The following GRM8 variants were observed in gnomAD, a reference collection of about 807,000 sequenced individuals.
The protein encoded by GRM8 is glutamate metabotropic receptor 8.
A neutral mutation model predicts 87.2 loss-of-function variants in GRM8; 47 were observed. The ratio of observed to expected loss-of-function variants is 0.54; its 90% CI spans 0.43 to 0.69. The LOEUF (loss-of-function observed/expected upper bound fraction) is 0.69. Ranked by LOEUF, GRM8 falls within the 30% of genes least tolerant of loss-of-function variation. GRM8 has a pLI of 0.00. For missense variants in GRM8, 1,019 were observed against 1,139.2 expected (o/e 0.89, Z 1.52); for synonymous variants, 396 against 404.5 (o/e 0.98, Z 0.25).
intron 3 of GRM8, among the ~76,000 whole-genome samples, chr7:126,943,875 G>C (rs1204554): frequency 6.6e-6 from 1 of 152,118 alleles, no homozygotes; most frequent in Admixed American, 6.5e-5. Flanking sequence ...TTCACTTGTC[G>C]AAGGAAGGCA....
intron 8 of GRM8, among the ~76,000 whole-genome samples, chr7:126,545,956 C>A (rs1050060942): frequency 6.6e-6 from 1 of 152,104 alleles, no homozygotes; most frequent in African/African-American, 2.4e-5. Flanking sequence ...AAAACACTTA[C>A]CCATTTCAGT....
At chr7:126,652,956 T>G (rs1585382517) in intron 7 of GRM8, among the ~76,000 whole-genome samples, 1 of 152,014 alleles carries the variant, frequency 6.6e-6, no homozygotes, top group South Asian at 2.1e-4. Context: ...CATATGTAAC[T>G]CAGTGATTAG....
chr7:127,023,109 T>C (rs1010250067), intron 3 of GRM8, among the ~76,000 whole-genome samples: 2 of 152,094 alleles, frequency 1.3e-5, no homozygotes, highest in African/African-American at 4.8e-5. Flanking sequence ...GATACTTTTA[T>C]GTTTTCGGTA....
intron 3 of GRM8, among the ~76,000 whole-genome samples, chr7:126,990,737 T>TAC (rs1812579936): frequency 6.6e-6 from 1 of 152,236 alleles, no homozygotes; most frequent in South Asian, 2.1e-4. Flanking sequence ...GTGAAATTGC[T>TAC]ACAATAGCAT....
intron 3 of GRM8, among the ~76,000 whole-genome samples, chr7:126,990,829 C>T (rs1213054615): frequency 6.6e-6 from 1 of 152,134 alleles, no homozygotes; most frequent in African/African-American, 2.4e-5. Flanking sequence ...ACATTAAAAG[C>T]ACATTTTAAT....
intron 2 of GRM8, among the ~76,000 whole-genome samples, chr7:127,198,114 G>A (rs1795388907): frequency 1.3e-5 from 2 of 151,954 alleles, no homozygotes; most frequent in African/African-American, 2.4e-5. Flanking sequence ...ACAAATTTGG[G>A]GAATACATGT....
chr7:126,690,955 G>A (rs993732195), intron 7 of GRM8, among the ~76,000 whole-genome samples: 1 of 152,158 alleles, frequency 6.6e-6, no homozygotes, highest in African/African-American at 2.4e-5. Flanking sequence ...TGGTCCATGG[G>A]CAGCCATGGG....
intron 7 of GRM8, among the ~76,000 whole-genome samples, chr7:126,678,820 T>G (rs1356178820): frequency 6.6e-6 from 1 of 152,178 alleles, no homozygotes; most frequent in African/African-American, 2.4e-5. Context: ...GGGAGGTTGC[T>G]CCAATTAAGC....
rs73720725 is a variant in GRM8, at chr7:126,649,085, A to G, written c.1358-39587T>C. Among the ~76,000 whole-genome samples, 1,024 of 152,332 alleles carry G rather than the reference A, an allele frequency of 6.7e-3. 10 individuals carry two copies. Among genetic ancestry groups the G allele is most frequent in the Middle Eastern group, 0.031 (9 of 294 alleles). The stretch of plus-strand genomic sequence containing the variant: ...TATGTCTAAAAAATGTGGATCCCAA[A>G]TGTGAATTATCTATTATAAATGTGA... On this transcript the variant is annotated intron_variant, in intron 7 of 10. Transcript: ENST00000339582.
intron 2 of GRM8, among the ~76,000 whole-genome samples, chr7:127,167,545 G>A (rs1419426): frequency 0.22 from 32,725 of 151,444 alleles, 3,775 homozygotes; most frequent in Middle Eastern, 0.32. Context: ...TCTCTGTGTC[G>A]CATTTTGATC....
At chr7:127,020,121 T>G (rs2132207272) in intron 3 of GRM8, among the ~76,000 whole-genome samples, 1 of 152,230 alleles carries the variant, frequency 6.6e-6, no homozygotes, top group East Asian at 1.9e-4. Context: ...GTGGCAATTG[T>G]GCCTATTATC....
At chr7:126,974,660 G>A (rs1276632090) in intron 3 of GRM8, among the ~76,000 whole-genome samples, 1 of 152,128 alleles carries the variant, frequency 6.6e-6, no homozygotes. Flanking sequence ...GCTGGCCACA[G>A]TGGCTCACAC....
chr7:127,050,839 A>G (rs942691682), intron 3 of GRM8, among the ~76,000 whole-genome samples: 2 of 152,208 alleles, frequency 1.3e-5, no homozygotes, highest in African/African-American at 4.8e-5. Flanking sequence ...AGAAGGAATG[A>G]CTGCTTTTCT....
intron 7 of GRM8, among the ~76,000 whole-genome samples, chr7:126,696,875 A>G (rs1028363658): frequency 6.6e-5 from 10 of 152,090 alleles, no homozygotes; most frequent in Non-Finnish European, 1.5e-4. Context: ...CTGGTTATAC[A>G]CCCAAAAGGA....
At chr7:127,222,049 T>C (rs1796965284) in intron 2 of GRM8, among the ~76,000 whole-genome samples, 1 of 152,226 alleles carries the variant, frequency 6.6e-6, no homozygotes, top group African/African-American at 2.4e-5. Context: ...GCCCCCACAG[T>C]GTCCCTTAAT....
chr7:126,930,744 G>A (rs896501213), intron 3 of GRM8, among the ~76,000 whole-genome samples: 1 of 152,174 alleles, frequency 6.6e-6, no homozygotes, highest in Admixed American at 6.5e-5. Context: ...ATGTTTTCAT[G>A]TGAGCCGAGT....
At chr7:126,491,534 C>T (rs541402759) in intron 9 of GRM8, among the ~76,000 whole-genome samples, 3 of 152,104 alleles carry the variant, frequency 2.0e-5, no homozygotes, top group South Asian at 2.1e-4. Flanking sequence ...TGTAAATGTA[C>T]AGAACTTAAC....
At chr7:127,018,786 G>A (rs570897181) in intron 3 of GRM8, among the ~76,000 whole-genome samples, 15 of 151,844 alleles carry the variant, frequency 9.9e-5, no homozygotes, top group African/African-American at 3.6e-4. Context: ...GTTGGAAGTG[G>A]ATCAGTCATC....
At chr7:126,477,601 A>C (rs867943210) in intron 9 of GRM8, among the ~76,000 whole-genome samples, 1 of 146,068 alleles carries the variant, frequency 6.8e-6, no homozygotes, top group African/African-American at 2.6e-5. Flanking sequence ...GAAAGAAAGA[A>C]AGAAAGAAAG....
Sources: allele counts gnomAD v4.1 joint callset (sites outside exome capture counted in the v4.1 genomes callset), GRCh38; gene constraint gnomAD v4.1.1; transcripts MANE v1.5; gene names NCBI Gene and HGNC (gene_info 2026-07-23, HGNC 2026-07-21).